GBE1: variants seen among roughly 807,000 people sequenced by gnomAD.
GBE1 encodes the protein 1,4-alpha-glucan-branching enzyme.
A neutral mutation model predicts 88.8 loss-of-function variants in GBE1; 70 were observed. The observed-to-expected ratio is 0.79, with a 90% CI of 0.65 to 0.96. The LOEUF is 0.96. Among genes scored for constraint, GBE1 ranks in the 40% least tolerant of loss-of-function variants. The pLI is 0.00. For synonymous variants in GBE1, 284 were observed against 300.1 expected, an observed-to-expected ratio of 0.95 and a Z score of 0.56; for missense variants, 872 against 871.0, an observed-to-expected ratio of 1.00 and a Z score of -0.01.
intron 1 of GBE1, among the ~76,000 whole-genome samples, chr3:81,740,533 C>G (rs372756125): frequency 6.6e-6 from 1 of 151,948 alleles, no homozygotes; most frequent in East Asian, 1.9e-4. Context: ...AAACGCAGTA[C>G]GGAGAAGAGA....
chr3:81,658,960 C>T (rs555223658), intron 3 of GBE1, among the ~76,000 whole-genome samples: 1 of 152,036 alleles, frequency 6.6e-6, no homozygotes, highest in African/African-American at 2.4e-5. Context: ...AAATGAATTA[C>T]ACATGATACA....
intron 7 of GBE1, among the ~76,000 whole-genome samples, chr3:81,614,563 C>CA (rs950150997): frequency 1.7e-4 from 26 of 151,698 alleles, no homozygotes; most frequent in African/African-American, 4.1e-4. Flanking sequence ...TTCTTTTCTA[C>CA]AAAAAAAATA....
chr3:81,560,213 T>C (rs1252182664), intron 12 of GBE1, among the ~76,000 whole-genome samples: 1 of 151,986 alleles, frequency 6.6e-6, no homozygotes, highest in Non-Finnish European at 1.5e-5. Context: ...AATTTTTAAG[T>C]GCACAGCATT....
intron 14 of GBE1, among the ~76,000 whole-genome samples, chr3:81,526,977 A>C (rs1702952002): frequency 6.6e-6 from 1 of 152,156 alleles, no homozygotes; most frequent in Admixed American, 6.5e-5. Context: ...CTATACTACA[A>C]GGTGACAGTA....
At chr3:81,729,889 T>C (rs530729368) in intron 1 of GBE1, among the ~76,000 whole-genome samples, 2 of 152,220 alleles carry the variant, frequency 1.3e-5, no homozygotes, top group South Asian at 4.1e-4. Context: ...GATGCCCCCA[T>C]AAACCTCAGA....
intron 2 of GBE1, among the ~76,000 whole-genome samples, chr3:81,702,121 G>A (rs1705702097): frequency 7.2e-6 from 1 of 138,480 alleles, no homozygotes; most frequent in African/African-American, 2.8e-5. Flanking sequence ...GTGTGTGTGT[G>A]TGTGTGTGTG....
At chr3:81,584,455 GA>G (rs1385393714) in intron 10 of GBE1, among the ~76,000 whole-genome samples, 2 of 151,942 alleles carry the variant, frequency 1.3e-5, no homozygotes, top group African/African-American at 4.8e-5. Flanking sequence ...AAAAGTAGAG[GA>G]AAATCACTAT....
chr3:81,499,512 C>T (rs1342582284), intron 14 of GBE1, among the ~76,000 whole-genome samples: 1 of 152,116 alleles, frequency 6.6e-6, no homozygotes, highest in African/African-American at 2.4e-5. Context: ...CAACCCATTC[C>T]ACTTGTTATA....
At chr3:81,578,194 A>G (rs1703675090) in intron 11 of GBE1, 98 bp from the exon 12 acceptor site, 1 of 834,848 alleles carries the variant, frequency 1.2e-6, no homozygotes. Context: ...GTTAGGAAAC[A>G]TCGTAGAAGA....
chr3:81,757,735 G>A (rs1706623184), intron 1 of GBE1, among the ~76,000 whole-genome samples: 1 of 152,162 alleles, frequency 6.6e-6, no homozygotes, highest in Non-Finnish European at 1.5e-5. Flanking sequence ...GTTAAGTTCA[G>A]TTTTATACAT....
At chr3:81,716,104 A>C (rs976446391) in intron 1 of GBE1, among the ~76,000 whole-genome samples, 3 of 152,166 alleles carry the variant, frequency 2.0e-5, no homozygotes, top group Non-Finnish European at 4.4e-5. Context: ...TGACCAATCT[A>C]ATAAACACAT....
intron 2 of GBE1, among the ~76,000 whole-genome samples, chr3:81,687,220 T>C (rs1705454673): frequency 6.6e-6 from 1 of 152,144 alleles, no homozygotes; most frequent in African/African-American, 2.4e-5. Context: ...TTCGTTCTAA[T>C]ATATTTAAGG....
intron 1 of GBE1, among the ~76,000 whole-genome samples, chr3:81,716,505 A>T (rs900817924): frequency 6.6e-6 from 1 of 152,202 alleles, no homozygotes; most frequent in Admixed American, 6.5e-5. Context: ...AAAATCAAGA[A>T]AAGAAAAAGA....
chr3:81,702,096 AGAGAGAGTGTGTGTGT>A (rs1280453842), intron 2 of GBE1, among the ~76,000 whole-genome samples: 9 of 34,930 alleles, frequency 2.6e-4, no homozygotes, highest in African/African-American at 9.8e-4. Context: ...AGAGAGAGAG[AGAGAGAGTGTGTGTGT>A]GTGTGTGTGT....
intron 14 of GBE1, among the ~76,000 whole-genome samples, chr3:81,503,851 C>A (rs979863409): frequency 6.6e-6 from 1 of 152,060 alleles, no homozygotes; most frequent in Non-Finnish European, 1.5e-5. Flanking sequence ...TGAGATAATT[C>A]ATAAAGGAAA....
At chr3:81,543,567 C>T (rs1703169277) in intron 12 of GBE1, among the ~76,000 whole-genome samples, 1 of 152,032 alleles carries the variant, frequency 6.6e-6, no homozygotes, top group Non-Finnish European at 1.5e-5. Context: ...TAGCTCAAAG[C>T]TCACAAACCT....
intron 9 of GBE1, among the ~76,000 whole-genome samples, chr3:81,587,447 A>G (rs1000098816): frequency 5.9e-5 from 9 of 152,236 alleles, no homozygotes; most frequent in African/African-American, 2.2e-4. Context: ...TCTTTATACT[A>G]ACTGCTGCCA....
At chr3:81,675,311 G>C (rs548297190) in intron 2 of GBE1, among the ~76,000 whole-genome samples, 3 of 152,160 alleles carry the variant, frequency 2.0e-5, no homozygotes, top group Admixed American at 2.0e-4. Flanking sequence ...TTTGAGGCTA[G>C]TGTTAATCAC....
chr3:81,735,793 T>C (rs928946432), intron 1 of GBE1, among the ~76,000 whole-genome samples: 2 of 152,150 alleles, frequency 1.3e-5, no homozygotes, highest in African/African-American at 4.8e-5. Context: ...ATCAAGGGGC[T>C]CCAAAGGGCT....
Sources: allele counts gnomAD v4.1 joint callset (sites outside exome capture counted in the v4.1 genomes callset), GRCh38; gene constraint gnomAD v4.1.1; transcripts MANE v1.5; gene names NCBI Gene and HGNC (gene_info 2026-07-23, HGNC 2026-07-21).